ISYNA1: variants seen among roughly 807,000 people sequenced by gnomAD.
ISYNA1 encodes inositol-3-phosphate synthase 1, also known as MI-1-P synthase.
ISYNA1 carries 34 observed loss-of-function variants against 50.3 expected under a neutral mutation model. That is an observed-to-expected ratio of 0.68 (90% CI 0.51 to 0.90). The LOEUF (loss-of-function observed/expected upper bound fraction) is 0.90, where lower values mean the gene tolerates loss of function less well. Among genes scored for constraint, ISYNA1 ranks in the 40% least tolerant of loss-of-function variants. The pLI is 0.00. For missense variants in ISYNA1, 718 were observed against 784.8 expected (o/e 0.91, Z 1.02); for synonymous variants, 396 against 349.9 (o/e 1.13, Z -1.47).
chr19:18,437,503 C>G (rs1265119113), intron 3 of ISYNA1, 96 bp downstream of exon 3: 6 of 822,974 alleles, frequency 7.3e-6, no homozygotes, highest in Non-Finnish European at 1.0e-5. Context: ...TACAGCCCCC[C>G]TGGTCCCGCA....
In ISYNA1 at chr19:18,436,093, T is replaced by C. The variant is rs1055949815; in HGVS notation, c.914A>G (p.Lys305Arg). 1 of 1,613,170 alleles carries C rather than the reference T, an allele frequency of 6.2e-7. No homozygotes were observed. Among genetic ancestry groups the C allele is most frequent in the Non-Finnish European group, 8.5e-7 (1 of 1,179,956 alleles). The stretch of plus-strand genomic sequence containing the variant: ...GGACTTGACTTTGGTCTGGCCTGAC[T>C]TGAAGTCATCTCCGCCCACAAAAAC... ...HRVFVGGDDF[K>R]SGQTKVKSVL... The change falls in exon 7 of 11, where the codon AAG (lysine) becomes AGG (arginine). Residue 305 changes from lysine (K) to arginine (R), a missense_variant. This residue lies in a region of ISYNA1 where 403 missense variants were observed against 466.6 expected (regional missense o/e 0.86). Transcript: ENST00000338128.
intron 3 of ISYNA1, 97 bp downstream of exon 3, chr19:18,437,502 C>T (rs1974109510): frequency 2.5e-6 from 2 of 809,676 alleles, no homozygotes; most frequent in Non-Finnish European, 3.4e-6. Flanking sequence ...CTACAGCCCC[C>T]CTGGTCCCGC....
Position 18,434,899 on chromosome 19 carries a change from G to T in ISYNA1, c.*14C>A. ...AGCGGGGAGGAAGAGCCGAGAAACT[G>T]TGTGACCGGGGCCTCAGGTGGTGGG... On this transcript the variant is annotated 3_prime_UTR_variant, in exon 11 of 11. Transcript: ENST00000338128. 6.2e-7 allele frequency: 1 copy of T among 1,608,794 alleles called. No individual in the cohort carries two copies. The highest frequency in any genetic ancestry group is 8.5e-7 in the Non-Finnish European group (1 of 1,177,204).
At chr19:18,437,388 C>T (rs1428999837) in intron 3 of ISYNA1, 1 of 1,226,432 alleles carries the variant, frequency 8.2e-7, no homozygotes. Context: ...AGCCCTCCCG[C>T]CCCACAGAGC....
Position 18,435,187 on chromosome 19 carries a change from A to T in ISYNA1, c.1473-70T>A. On this transcript the variant is annotated intron_variant, in intron 10 of 10. Coordinates refer to ENST00000338128, the MANE Select transcript of ISYNA1 (RefSeq NM_016368.5). The stretch of plus-strand genomic sequence containing the variant: ...GAAAGGGGGGGTATCCCTGCCACCT[A>T]CAGCCCCCCAAGCCCTGTGCATAGC... 6 of 1,597,550 alleles carry T rather than the reference A, an allele frequency of 3.8e-6. No homozygotes were observed. In the South Asian group the frequency reaches 6.6e-5, roughly 18 times the overall value.
chr19:18,434,440 T>C lies in ISYNA1; in HGVS notation c.*473A>G. 1 of 1,067,182 alleles carries C rather than the reference T, an allele frequency of 9.4e-7. No homozygotes were observed. Among genetic ancestry groups the C allele is most frequent in the Non-Finnish European group, 1.3e-6 (1 of 792,828 alleles). The allele number at this position is 1,067,182 out of a possible 1,614,324, so 66.1% of individuals were successfully genotyped here. A position where few individuals can be genotyped will look rare whatever the true frequency, so the allele number is the denominator to read the frequency against. ...AGGACCTCAGAGACGTTCTTTTCTGTATGGACCCTTCCTGCCATTTGTATT... is the reference window on the plus strand; with the variant it reads ...AGGACCTCAGAGACGTTCTTTTCTGCATGGACCCTTCCTGCCATTTGTATT... On this transcript the variant is annotated 3_prime_UTR_variant, in exon 11 of 11. Coordinates refer to ENST00000338128, the MANE Select transcript of ISYNA1 (RefSeq NM_016368.5).
Position 18,435,037 on chromosome 19 carries a change from A to G in ISYNA1, c.1553T>C (p.Val518Ala), listed in dbSNP as rs772449312. ...AGGGTAGGTGGCAGCCACGGGTCCAACTCGCTTGAGGCTGGGCCCTGGGCG... is the reference window on the plus strand; with the variant it reads ...AGGGTAGGTGGCAGCCACGGGTCCAGCTCGCTTGAGGCTGGGCCCTGGGCG... ...MERPGPSLKR[V>A]GPVAATYPML... Residue 518 changes from valine to alanine, a missense_variant, in exon 11 of 11, where the codon GTT (valine) becomes GCT (alanine). Coordinates refer to ENST00000338128, the MANE Select transcript of ISYNA1 (RefSeq NM_016368.5). The G allele has an allele frequency of 5.0e-6, 8 of 1,613,378 alleles. No individual in the cohort carries two copies. The highest frequency in any genetic ancestry group is 4.0e-5 in the African/African-American group (3 of 74,824).
chr19:18,434,402 T>C lies in ISYNA1; in HGVS notation c.*511A>G. 1 of 1,334,448 alleles carries C rather than the reference T, an allele frequency of 7.5e-7. No individual in the cohort carries two copies. The highest frequency in any genetic ancestry group is 9.8e-7 in the Non-Finnish European group (1 of 1,019,526). The allele number at this position is 1,334,448 out of a possible 1,614,324, so 82.7% of individuals were successfully genotyped here. ...CCCACACGAAAGACTCTTACCATTTTATTAAAAACGCAAGGACCTCAGAGA... is the reference window on the plus strand; with the variant it reads ...CCCACACGAAAGACTCTTACCATTTCATTAAAAACGCAAGGACCTCAGAGA... On this transcript the variant is annotated 3_prime_UTR_variant, in exon 11 of 11. Transcript: ENST00000338128.
rs767621422 is a variant in ISYNA1, at chr19:18,437,114, C to G, written c.283-9G>C. On this transcript the variant is annotated splice_polypyrimidine_tract_variant and intron_variant, in intron 3 of 10. Coordinates refer to ENST00000338128, the MANE Select transcript of ISYNA1 (RefSeq NM_016368.5). Reference sequence around the variant, plus strand: ...CCGTAGTAGTTGGCCTCCTGGGGGTCAGCAGACACGGCGAGGTGACGGGTG... The same window carrying G: ...CCGTAGTAGTTGGCCTCCTGGGGGTGAGCAGACACGGCGAGGTGACGGGTG... 9 of 1,567,804 alleles carry G rather than the reference C, an allele frequency of 5.7e-6. No homozygotes were observed. The Admixed American group carries it at 1.7e-4, about 29-fold the overall frequency.
rs1974076675 is a variant in ISYNA1, at chr19:18,436,889, C to G, written c.416-12G>C. ...CGAGATGTCCCAGCCTGGGGGGACCCTCACACTCGGCCCTGCCCGGATCCT... is the reference window on the plus strand; with the variant it reads ...CGAGATGTCCCAGCCTGGGGGGACCGTCACACTCGGCCCTGCCCGGATCCT... On this transcript the variant is annotated splice_polypyrimidine_tract_variant and intron_variant, in intron 4 of 10. Transcript: ENST00000338128. 1 of 1,596,004 alleles carries G rather than the reference C, an allele frequency of 6.3e-7. No homozygotes were observed. The highest frequency in any genetic ancestry group is 8.5e-7 in the Non-Finnish European group (1 of 1,173,152).
chr19:18,437,671 G>T lies in ISYNA1; in HGVS notation c.210C>A (p.Asn70Lys). ...GVMLVGWGGN[N>K]GSTLTAAVLA... ...GCACCGCGGCGGTGAGTGTGGAGCCGTTGTTCCCGCCCCAGCCGACAAGCA... is the reference window on the plus strand; with the variant it reads ...GCACCGCGGCGGTGAGTGTGGAGCCTTTGTTCCCGCCCCAGCCGACAAGCA... Residue 70 changes from asparagine to lysine, a missense_variant, in exon 3 of 11, where the codon AAC becomes AAA. Coordinates refer to ENST00000338128, the MANE Select transcript of ISYNA1 (RefSeq NM_016368.5). 1 of 1,544,162 alleles carries T rather than the reference G, an allele frequency of 6.5e-7. No homozygotes were observed.
In ISYNA1 at chr19:18,434,852, T is replaced by A; in HGVS notation, c.*61A>T. 6.9e-7 allele frequency: 1 copy of A among 1,451,126 alleles called. No homozygotes were observed. 89.9% of individuals were successfully genotyped at this position (1,451,126 alleles called of 1,614,324 possible). ...GCAGCGCCTTTATTTGTGGGGGCCT[T>A]CAAGGTAGGGTCGTGGGGGGCAGCG... On this transcript the variant is annotated 3_prime_UTR_variant, in exon 11 of 11. Coordinates refer to ENST00000338128, the MANE Select transcript of ISYNA1 (RefSeq NM_016368.5).
chr19:18,437,262 C>T, intron 3 of ISYNA1, 157 bp from the exon 4 acceptor site: 1 of 1,430,980 alleles, frequency 7.0e-7, no homozygotes, highest in Non-Finnish European at 9.1e-7. Context: ...CCCCAGGCCC[C>T]TCCCCTGAGA....
rs1260223539 is a variant in ISYNA1 at position 18,434,869 on chromosome 19, G to C, written c.*44C>G. ...GGGGGCCTTCAAGGTAGGGTCGTGG[G>C]GGGCAGCGGGGAGGAAGAGCCGAGA... On this transcript the variant is annotated 3_prime_UTR_variant, in exon 11 of 11. Coordinates refer to ENST00000338128, the MANE Select transcript of ISYNA1 (RefSeq NM_016368.5). 6.5e-7 allele frequency: 1 copy of C among 1,542,098 alleles called. No homozygotes were observed. Among genetic ancestry groups the C allele is most frequent in the Non-Finnish European group, 8.9e-7 (1 of 1,117,808 alleles).
intron 3 of ISYNA1, chr19:18,437,320 CG>C: frequency 7.1e-7 from 1 of 1,413,640 alleles, no homozygotes; most frequent in Non-Finnish European, 9.2e-7. Flanking sequence ...GAGGAGTCCC[CG>C]CTACCTCGCG....
At chr19:18,435,963 G>A (rs1555727449) in intron 7 of ISYNA1, 42 bp from the exon 8 acceptor site, 5 of 1,612,944 alleles carry the variant, frequency 3.1e-6, no homozygotes, top group East Asian at 2.2e-5. Context: ...AGGCCCTGCG[G>A]CCCCACAAGC....
chr19:18,437,749 C>T lies in ISYNA1; in HGVS notation c.132G>A (p.Thr44=), dbSNP rs780591094. 1.8e-5 allele frequency: 29 copies of T among 1,576,686 alleles called. No individual in the cohort carries two copies. The highest frequency in any genetic ancestry group is 1.3e-4 in the South Asian group (11 of 87,020). ...REGGVLKVHP[T]STRFTFRTAR... Reference sequence around the variant, plus strand: ...CGGTCCGGAAGGTGAAGCGCGTGGACGTGGGGTGCACCTGAAGACAGGCCG... The same window carrying T: ...CGGTCCGGAAGGTGAAGCGCGTGGATGTGGGGTGCACCTGAAGACAGGCCG... Residue 44 remains threonine (T), a synonymous_variant, in exon 3 of 11, where the codon ACG becomes ACA. Transcript: ENST00000338128.
In ISYNA1 at chr19:18,436,229, G is replaced by A. The variant is rs1290686695; in HGVS notation, c.778C>T (p.Pro260Ser). The A allele has an allele frequency of 6.8e-6, 11 of 1,609,032 alleles. No homozygotes were observed. In the South Asian group the frequency reaches 9.9e-5, roughly 14 times the overall value. ...RTIELGLEVS[P>S]STLFAVASIL... ...CTGGCCACGGCGAAGAGCGTGGAGG[G>A]CGACACCTCCAGACCGAGCTGTGGG... Residue 260 changes from proline to serine, a missense_variant, in exon 7 of 11, where the codon CCC (proline) becomes TCC (serine). Transcript: ENST00000338128.
In ISYNA1 at chr19:18,437,953, G is replaced by A. The variant is rs771854658; in HGVS notation, c.27C>T (p.Val9=). 6.9e-6 allele frequency: 11 copies of A among 1,599,830 alleles called. No individual in the cohort carries two copies. The highest frequency in any genetic ancestry group is 9.4e-6 in the Non-Finnish European group (11 of 1,174,552). The part of the protein sequence containing the change: MEAAAQFF[V]ESPDVVYGPE... ...GGCCGTAGACCACGTCCGGGCTCTC[G>A]ACGAAGAACTGGGCGGCGGCCTCCA... The change falls in exon 2 of 11, where the codon GTC becomes GTT. Residue 9 remains valine, a synonymous_variant. Coordinates refer to ENST00000338128, the MANE Select transcript of ISYNA1 (RefSeq NM_016368.5).
Sources: allele counts gnomAD v4.1 joint callset, GRCh38; gene constraint gnomAD v4.1.1; regional missense constraint gnomAD v4.1.1; transcripts MANE v1.5; gene names NCBI Gene and HGNC (gene_info 2026-07-23, HGNC 2026-07-21).